NSD1: variants seen among roughly 807,000 people sequenced by gnomAD.
The protein encoded by NSD1 is nuclear receptor binding SET domain protein 1.
In NSD1, 26 loss-of-function variants were observed where a neutral mutation model predicts 242.7. That is an observed-to-expected ratio of 0.11 (90% CI 0.08 to 0.15). The LOEUF is 0.15. Among genes scored for constraint, NSD1 ranks in the 10% least tolerant of loss-of-function variants. The probability of loss-of-function intolerance (pLI) is 1.00; values close to 1 mark genes in which losing one functional copy is unlikely to be tolerated. For synonymous variants in NSD1, 1,106 were observed against 1,178.1 expected (o/e 0.94, Z 1.25); for missense variants, 2,495 against 3,272.8 (o/e 0.76, Z 5.80).
intron 11 of NSD1, among the ~76,000 whole-genome samples, chr5:177,249,355 G>T (rs1178634367): frequency 6.6e-6 from 1 of 151,872 alleles, no homozygotes; most frequent in Non-Finnish European, 1.5e-5. Context: ...AGCTGTAGTG[G>T]CTCATACCTG....
chr5:177,290,015 A>G (rs1208586144), intron 21 of NSD1, among the ~76,000 whole-genome samples: 6 of 151,238 alleles, frequency 4.0e-5, no homozygotes, highest in South Asian at 2.1e-4. Flanking sequence ...TTTTAGTAGA[A>G]ACAGGGTTTC....
At chr5:177,169,218 C>A (rs1759487514) in intron 2 of NSD1, among the ~76,000 whole-genome samples, 1 of 152,124 alleles carries the variant, frequency 6.6e-6, no homozygotes, top group African/African-American at 2.4e-5. Context: ...TTAAGTCTAT[C>A]CACTGAGCTG....
At chr5:177,181,310 A>G (rs1261649664) in intron 2 of NSD1, among the ~76,000 whole-genome samples, 2 of 152,140 alleles carry the variant, frequency 1.3e-5, no homozygotes, top group Non-Finnish European at 2.9e-5. Context: ...AAAAGAGAGA[A>G]AGAAGCTCTA....
intron 2 of NSD1, among the ~76,000 whole-genome samples, chr5:177,182,041 A>G (rs1326689691): frequency 1.3e-5 from 2 of 151,654 alleles, no homozygotes; most frequent in East Asian, 3.9e-4. Context: ...AGTCCTAGCT[A>G]CTCGGGAGGC....
chr5:177,135,874 C>G lies in NSD1; in HGVS notation c.771C>G (p.Pro257=). The change falls in exon 2 of 23, where the codon CCC becomes CCG. Residue 257 remains proline (P), a synonymous_variant. Coordinates refer to ENST00000439151, the MANE Select transcript of NSD1 (RefSeq NM_022455.5). ...SNEKAALLPA[P]FSLGDTNITI... is the part of the protein sequence containing the mutation. ...AAAAAGCAGCCCTTCTCCCAGCCCC[C>G]TTTTCACTAGGAGACACAAACATTA... The G allele has an allele frequency of 6.2e-7, 1 of 1,607,510 alleles. No homozygotes were observed. Among genetic ancestry groups the G allele is most frequent in the Non-Finnish European group, 8.5e-7 (1 of 1,174,960 alleles).
chr5:177,244,939 T>C (rs1183961533), intron 9 of NSD1, among the ~76,000 whole-genome samples: 5 of 152,324 alleles, frequency 3.3e-5, no homozygotes, highest in South Asian at 2.1e-4. Flanking sequence ...AGGCCGTTCA[T>C]GGTGGCCCAC....
At chr5:177,158,998 T>TTATATGTATATATATATGAATGAGATATA (rs1758459133) in intron 2 of NSD1, among the ~76,000 whole-genome samples, 1 of 122,612 alleles carries the variant, frequency 8.2e-6, no homozygotes, top group African/African-American at 3.8e-5. Context: ...ATGAATGATT[T>TTATATGTATATATATATGAATGAGATATA]TATATATATA....
In NSD1 at chr5:177,295,506, T is replaced by C; in HGVS notation, c.*47T>C. ...CAAACAAGCTGCCCCCAGGGTACCA[T>C]TTGGGGAGGGGAAATCTTTTCTTTC... is the stretch of plus-strand genomic sequence containing the variant. On this transcript the variant is annotated 3_prime_UTR_variant, in exon 23 of 23. Coordinates refer to ENST00000439151, the MANE Select transcript of NSD1 (RefSeq NM_022455.5). The surrounding 1 kb of genome is among the most constrained non-coding windows in gnomAD (Gnocchi z 4.3). 1.3e-6 allele frequency: 2 copies of C among 1,581,124 alleles called. No homozygotes were observed. Among genetic ancestry groups the C allele is most frequent in the Non-Finnish European group, 1.7e-6 (2 of 1,154,518 alleles).
intron 14 of NSD1, chr5:177,266,357 C>T (rs527477187): frequency 5.7e-4 from 393 of 695,326 alleles, no homozygotes; most frequent in Non-Finnish European, 8.6e-4. Flanking sequence ...GATGACCTTG[C>T]GGGCCCGGCC....
At chr5:177,275,191 A>G (rs1272914248) in intron 17 of NSD1, among the ~76,000 whole-genome samples, 4 of 151,898 alleles carry the variant, frequency 2.6e-5, no homozygotes, top group African/African-American at 9.7e-5. Context: ...ATTGAACTAG[A>G]TGACTTGGAT....
At chr5:177,143,414 C>T (rs1756981349) in intron 2 of NSD1, among the ~76,000 whole-genome samples, 1 of 151,768 alleles carries the variant, frequency 6.6e-6, no homozygotes, top group African/African-American at 2.4e-5. Flanking sequence ...CTCCGTCTGC[C>T]GTGTTCAAGC....
chr5:177,291,884 G>A, intron 21 of NSD1, 70 bp from the exon 22 acceptor site: 2 of 1,374,706 alleles, frequency 1.5e-6, no homozygotes, highest in Non-Finnish European at 2.0e-6. Flanking sequence ...CTCAGAGAGG[G>A]TAGTTAACCC....
At chr5:177,271,428 G>A (rs1195686818) in intron 16 of NSD1, among the ~76,000 whole-genome samples, 1 of 152,130 alleles carries the variant, frequency 6.6e-6, no homozygotes. Context: ...TCCTGATCTT[G>A]CAGATGAGGA....
At position 177,210,207 on chromosome 5, in the gene NSD1, C is replaced by A; in HGVS notation, c.1808C>A (p.Ser603Tyr). The change falls in exon 5 of 23, where the codon TCT becomes TAT. Residue 603 changes from serine (S) to tyrosine (Y), a missense_variant. Around this residue, in one of 19 missense-constraint regions of NSD1, gnomAD observed 515 missense variants for 467.0 expected, o/e 1.10. Transcript: ENST00000439151. The part of the protein sequence containing the change: ...LPEGALISKC[S>Y]REKNKPQRSL... ...GAGGGTGCTTTGATCTCAAAGTGTT[C>A]TCGAGAGAAGAATAAACCCCAACGA... 1 of 1,596,746 alleles carries A rather than the reference C, an allele frequency of 6.3e-7. No individual in the cohort carries two copies. Among genetic ancestry groups the A allele is most frequent in the Non-Finnish European group, 8.5e-7 (1 of 1,172,296 alleles).
chr5:177,201,472 T>C (rs1400057232), intron 3 of NSD1, among the ~76,000 whole-genome samples: 2 of 152,170 alleles, frequency 1.3e-5, no homozygotes, highest in Non-Finnish European at 2.9e-5. Context: ...TGATAGTGTT[T>C]AGAACTACTT....
intron 2 of NSD1, among the ~76,000 whole-genome samples, chr5:177,151,160 C>A (rs1290626672): frequency 1.3e-5 from 2 of 152,132 alleles, no homozygotes; most frequent in Non-Finnish European, 2.9e-5. Context: ...GGAGGATCAC[C>A]TGAAGCCAGG....
intron 4 of NSD1, among the ~76,000 whole-genome samples, chr5:177,206,703 G>C (rs1762892978): frequency 6.6e-6 from 1 of 152,130 alleles, no homozygotes; most frequent in African/African-American, 2.4e-5. Flanking sequence ...ATTTCAGCTG[G>C]TTGCTGATAG....
intron 2 of NSD1, among the ~76,000 whole-genome samples, chr5:177,139,867 C>T (rs935196591): frequency 6.6e-6 from 1 of 151,464 alleles, no homozygotes; most frequent in African/African-American, 2.4e-5. Context: ...TCACTTGAGG[C>T]CAGAAGTTTG....
chr5:177,185,722 ATAT>A (rs1761063284), intron 2 of NSD1, among the ~76,000 whole-genome samples: 1 of 108,424 alleles, frequency 9.2e-6, no homozygotes, highest in African/African-American at 3.7e-5. Context: ...ATTATATATT[ATAT>A]ATTATATATA....
Sources: allele counts gnomAD v4.1 joint callset (sites outside exome capture counted in the v4.1 genomes callset), GRCh38; gene constraint gnomAD v4.1.1; regional missense constraint gnomAD v4.1.1; non-coding constraint Gnocchi (gnomAD v3.1); transcripts MANE v1.5; gene names NCBI Gene and HGNC (gene_info 2026-07-23, HGNC 2026-07-21).